SERPINE3: variants seen among roughly 807,000 people sequenced by gnomAD.
The protein encoded by SERPINE3 is serpin family E member 3.
SERPINE3 carries 43 observed loss-of-function variants against 41.7 expected under a neutral mutation model. The ratio of observed to expected loss-of-function variants is 1.03; its 90% confidence interval spans 0.81 to 1.33. The LOEUF (loss-of-function observed/expected upper bound fraction) is 1.33, where lower values mean the gene tolerates loss of function less well. SERPINE3 is among the 40% of genes most tolerant of loss of function. The pLI, the probability that SERPINE3 is intolerant of heterozygous loss-of-function variation, is 0.00. For missense variants in SERPINE3, 440 were observed against 491.7 expected, an observed-to-expected ratio of 0.89 and a Z score of 0.99; for synonymous variants, 200 against 192.2, an observed-to-expected ratio of 1.04 and a Z score of -0.34.
intron 9 of SERPINE3, chr13:51,363,254 CTCAGTAATCAGAATGAA>C: frequency 2.0e-5 from 3 of 151,868 alleles, no homozygotes; most frequent in Non-Finnish European, 2.9e-5. Flanking sequence ...TCAGAACTGC[CTCAGTAATCAGAATGAA>C]AATATAAGGA....
chr13:51,358,354 G>A (rs1955513131), intron 7 of SERPINE3, among the ~76,000 whole-genome samples: 1 of 152,154 alleles, frequency 6.6e-6, no homozygotes, highest in Non-Finnish European at 1.5e-5. Flanking sequence ...AGGATGAAAT[G>A]TTGGGACACA....
rs1309509177 is a variant in SERPINE3 at position 51,361,364 on chromosome 13, G to A, written c.1087G>A (p.Ala363Thr). The change falls in exon 8 of 10, where the codon GCT becomes ACT. Residue 363 changes from alanine (A) to threonine (T), a missense_variant and splice_region_variant. Ala to Thr is a moderately conservative substitution (Grantham distance 58). Transcript: ENST00000681248. Reference sequence around the variant, plus strand: ...AGGCACCAAGGCATCTGGAGCCACAGGTATGTTCAGAGAATACCCAGTCAC... The same window carrying A: ...AGGCACCAAGGCATCTGGAGCCACAAGTATGTTCAGAGAATACCCAGTCAC... ...EEGTKASGAT[A>T]LLLLKRSRIP... is the part of the protein sequence containing the mutation. 6.9e-6 allele frequency: 11 copies of A among 1,594,860 alleles called. No homozygotes were observed. The highest frequency in any genetic ancestry group is 9.4e-6 in the Non-Finnish European group (11 of 1,164,782).
intron 1 of SERPINE3, among the ~76,000 whole-genome samples, chr13:51,340,476 A>G (rs139163224): frequency 2.6e-5 from 4 of 152,324 alleles, no homozygotes; most frequent in African/African-American, 9.6e-5. Context: ...TCAAAATTTT[A>G]TATACCACTC....
rs550528234 is a variant in SERPINE3, at chr13:51,342,269, C to T, written c.256+922C>T. On this transcript the variant is annotated intron_variant, in intron 3 of 9. Coordinates refer to ENST00000681248, the MANE Select transcript of SERPINE3 (RefSeq NM_001386375.1). ...GAAGCTGTCCTAGGCAGGGTCATCC[C>T]GGCCTACCCATTCTTCACCCTGTGG... Among the ~76,000 whole-genome samples, 12 of 152,148 alleles carry T rather than the reference C, an allele frequency of 7.9e-5. No homozygotes were observed. The East Asian group carries it at 1.7e-3, about 22-fold the overall frequency.
chr13:51,349,757 G>C (rs931359727), intron 6 of SERPINE3, among the ~76,000 whole-genome samples: 2 of 152,170 alleles, frequency 1.3e-5, no homozygotes, highest in African/African-American at 2.4e-5. Context: ...AGGCAGGGAA[G>C]GCAAGGCAAG....
rs183132903 is a variant in SERPINE3 at position 51,356,968 on chromosome 13, T to C, written c.1000+1825T>C. Reference sequence around the variant, plus strand: ...GTTAATTTTCTCTCATGAAGTTTTGTTCCTCTAAAGCAGGGGTCAGCAAAC... The same window carrying C: ...GTTAATTTTCTCTCATGAAGTTTTGCTCCTCTAAAGCAGGGGTCAGCAAAC... On this transcript the variant is annotated intron_variant, in intron 7 of 9. Transcript: ENST00000681248. Among the ~76,000 whole-genome samples the C allele has an allele frequency of 2.7e-3, 415 of 152,258 alleles. 2 individuals are homozygous for C. Among genetic ancestry groups the C allele is most frequent in the African/African-American group, 9.2e-3 (382 of 41,562 alleles).
At chr13:51,345,213 C>T (rs1264368687) in intron 4 of SERPINE3, among the ~76,000 whole-genome samples, 2 of 152,132 alleles carry the variant, frequency 1.3e-5, no homozygotes, top group East Asian at 3.9e-4. Context: ...GCACAGAAGG[C>T]TCAGCCTCCT....
At chr13:51,347,963 C>A (rs537665664) in intron 5 of SERPINE3, among the ~76,000 whole-genome samples, 4 of 152,090 alleles carry the variant, frequency 2.6e-5, no homozygotes, top group South Asian at 2.1e-4. Context: ...TCGTCCCCCC[C>A]CCCATACCCA....
At chr13:51,353,669 G>A (rs375921374) in intron 6 of SERPINE3, among the ~76,000 whole-genome samples, 35 of 152,288 alleles carry the variant, frequency 2.3e-4, no homozygotes, top group African/African-American at 8.2e-4. Flanking sequence ...CATACTTGGA[G>A]AAAGTATATT....
In SERPINE3 at chr13:51,342,374, G is replaced by A. The variant is rs74315725; in HGVS notation, c.256+1027G>A. Among the ~76,000 whole-genome samples, 731 of 152,122 alleles carry A rather than the reference G, an allele frequency of 4.8e-3. 9 individuals are homozygous for A. The highest frequency in any genetic ancestry group is 0.027 in the East Asian group (141 of 5,156). ...TGTTAATCTGTCTGGGCCTCTGCTCGCTCATATATAAAATGGGGATAATAA... is the reference window on the plus strand; with the variant it reads ...TGTTAATCTGTCTGGGCCTCTGCTCACTCATATATAAAATGGGGATAATAA... On this transcript the variant is annotated intron_variant, in intron 3 of 9. Transcript: ENST00000681248.
intron 3 of SERPINE3, 87 bp downstream of exon 3, chr13:51,341,434 C>A: frequency 8.0e-7 from 1 of 1,253,038 alleles, no homozygotes; most frequent in Non-Finnish European, 1.1e-6. Context: ...CACACTCACA[C>A]TCACTCTCTC....
At position 51,348,298 on chromosome 13, in the gene SERPINE3, G is replaced by T; in HGVS notation, c.786G>T (p.Leu262=). 3 of 1,612,584 alleles carry T rather than the reference G, an allele frequency of 1.9e-6. No homozygotes were observed. The African/African-American group carries it at 4.0e-5, about 22-fold the overall frequency. Residue 262 remains leucine, a synonymous_variant, in exon 6 of 10, where the codon CTG becomes CTT. Coordinates refer to ENST00000681248, the MANE Select transcript of SERPINE3 (RefSeq NM_001386375.1). ...GTGCAGTGAGTCTGTTCCTGGTGCTGCCCCGTGACAAAGACACCCCCCTGA... is the reference window on the plus strand; with the variant it reads ...GTGCAGTGAGTCTGTTCCTGGTGCTTCCCCGTGACAAAGACACCCCCCTGA... ...LGSAVSLFLV[L]PRDKDTPLSH...
chr13:51,359,636 A>G (rs1955531329), intron 7 of SERPINE3, among the ~76,000 whole-genome samples: 1 of 152,092 alleles, frequency 6.6e-6, no homozygotes, highest in Non-Finnish European at 1.5e-5. Context: ...AGACACATTT[A>G]CTGTATTTTA....
At chr13:51,340,969 C>T (rs887266667) in intron 2 of SERPINE3, 106 bp from the exon 3 acceptor site, 3 of 1,147,584 alleles carry the variant, frequency 2.6e-6, no homozygotes, top group African/African-American at 1.5e-5. Flanking sequence ...CTCAGCCGTC[C>T]CTAGCCCCTA....
chr13:51,362,239 T>C (rs1407123606), intron 9 of SERPINE3: 1 of 436,970 alleles, frequency 2.3e-6, no homozygotes, highest in African/African-American at 2.1e-5. Context: ...CTTTGTCCCC[T>C]AGCTTTCTTA....
Position 51,348,230 on chromosome 13 carries a change from G to A in SERPINE3, c.718G>A (p.Ala240Thr). The change falls in exon 6 of 10, where the codon GCA (alanine) becomes ACA (threonine). Residue 240 changes from alanine to threonine, a missense_variant. Ala to Thr is a moderately conservative substitution (Grantham distance 58). Coordinates refer to ENST00000681248, the MANE Select transcript of SERPINE3 (RefSeq NM_001386375.1). ...EVNYGQFQDTAGHQVGVLELP... is the reference protein window; with the variant it reads ...EVNYGQFQDTTGHQVGVLELP... Reference sequence around the variant, plus strand: ...ACCCTCAGGTCAGTTCCAGGACACTGCAGGCCATCAGGTGGGGGTGCTGGA... The same window carrying A: ...ACCCTCAGGTCAGTTCCAGGACACTACAGGCCATCAGGTGGGGGTGCTGGA... 6.3e-7 allele frequency: 1 copy of A among 1,593,936 alleles called. No homozygotes were observed. Among genetic ancestry groups the A allele is most frequent in the Admixed American group, 1.7e-5 (1 of 57,476 alleles).
intron 5 of SERPINE3, among the ~76,000 whole-genome samples, chr13:51,347,935 G>A (rs1300437428): frequency 6.7e-6 from 1 of 149,570 alleles, no homozygotes; most frequent in Non-Finnish European, 1.5e-5. Context: ...ACTACTCTAT[G>A]TGGTTCTGCA....
chr13:51,357,849 G>C (rs564653922), intron 7 of SERPINE3, among the ~76,000 whole-genome samples: 72 of 152,216 alleles, frequency 4.7e-4, no homozygotes, highest in Non-Finnish European at 4.9e-4. Flanking sequence ...GCACAAACTT[G>C]AAACTCTGAA....
At chr13:51,343,699 A>G (rs555098083) in intron 3 of SERPINE3, among the ~76,000 whole-genome samples, 1 of 152,320 alleles carries the variant, frequency 6.6e-6, no homozygotes, top group East Asian at 1.9e-4. Flanking sequence ...AATTGAAAGC[A>G]TAGTTCTACA....
Sources: gnomAD v4.1 joint callset for allele counts (sites outside exome capture counted in the v4.1 genomes callset) on GRCh38, gnomAD v4.1.1 for gene constraint, MANE v1.5 for transcripts, NCBI Gene and HGNC (gene_info 2026-07-23, HGNC 2026-07-21) for gene names.